The following WWOX variants were observed in gnomAD, a reference collection of about 807,000 sequenced individuals.
WWOX encodes WW domain-containing oxidoreductase.
A neutral mutation model predicts 46.2 loss-of-function variants in WWOX; 69 were observed. That is an observed-to-expected ratio of 1.49 (90% CI 1.23 to 1.82). WWOX has a LOEUF of 1.82. WWOX is among the 40% of genes most tolerant of loss of function. The probability of loss-of-function intolerance (pLI) is 0.00; values close to 1 mark genes in which losing one functional copy is unlikely to be tolerated. For missense variants in WWOX, 919 were observed against 542.6 expected (o/e 1.69, Z -6.89); for synonymous variants, 359 against 202.6 (o/e 1.77, Z -6.56).
chr16:78,330,127 A>G (rs186019395), intron 5 of WWOX, among the ~76,000 whole-genome samples: 190 of 152,276 alleles, frequency 1.2e-3, no homozygotes, highest in African/African-American at 4.0e-3. Flanking sequence ...AAATACCTAA[A>G]TGCCTAAACG....
chr16:78,537,822 C>A (rs571240733), intron 8 of WWOX, among the ~76,000 whole-genome samples: 2 of 151,998 alleles, frequency 1.3e-5, no homozygotes, highest in African/African-American at 2.4e-5. Flanking sequence ...AGGGCCAGAA[C>A]GATCCACCCA....
intron 1 of WWOX, among the ~76,000 whole-genome samples, chr16:78,102,861 G>C (rs1252600369): frequency 1.3e-5 from 2 of 152,186 alleles, no homozygotes; most frequent in African/African-American, 4.8e-5. Context: ...CACCTTGGGA[G>C]GGTCAGCCGC....
At chr16:79,020,147 GT>G (rs2047502203) in intron 8 of WWOX, among the ~76,000 whole-genome samples, 1 of 152,182 alleles carries the variant, frequency 6.6e-6, no homozygotes, top group African/African-American at 2.4e-5. Context: ...GAGAGTGCTT[GT>G]CTTTGAAACA....
intron 8 of WWOX, among the ~76,000 whole-genome samples, chr16:78,927,805 C>G (rs559839786): frequency 2.0e-5 from 3 of 152,262 alleles, no homozygotes; most frequent in South Asian, 4.1e-4. Context: ...GAATAAATGT[C>G]TTTCTTTGGA....
At chr16:78,333,043 C>CTTTCTTTTTTTTTTTTTTT (rs2080797816) in intron 5 of WWOX, among the ~76,000 whole-genome samples, 1 of 57,094 alleles carries the variant, frequency 1.8e-5, no homozygotes, top group Non-Finnish European at 3.8e-5. Flanking sequence ...GAGCATTATA[C>CTTTCTTTTTTTTTTTTTTT]TTTTTTTTTT....
At chr16:78,594,763 ATTTAT>A (rs966662231) in intron 8 of WWOX, among the ~76,000 whole-genome samples, 11 of 151,958 alleles carry the variant, frequency 7.2e-5, no homozygotes, top group African/African-American at 2.4e-4. Context: ...TTAAGTTTTT[ATTTAT>A]TTTATTTAGC....
At chr16:78,694,619 G>A (rs1012574407) in intron 8 of WWOX, among the ~76,000 whole-genome samples, 16 of 152,172 alleles carry the variant, frequency 1.1e-4, no homozygotes, top group African/African-American at 3.9e-4. Context: ...ACATTAACCA[G>A]CAAAGGCATT....
intron 8 of WWOX, among the ~76,000 whole-genome samples, chr16:78,614,108 A>G (rs1051520412): frequency 6.6e-5 from 10 of 152,222 alleles, no homozygotes; most frequent in African/African-American, 2.4e-4. Context: ...GCACCTTGTA[A>G]TTAAGCACAT....
intron 8 of WWOX, among the ~76,000 whole-genome samples, chr16:79,164,733 C>T (rs912524138): frequency 3.3e-5 from 5 of 152,134 alleles, no homozygotes; most frequent in African/African-American, 9.7e-5. Flanking sequence ...TTATTCCACT[C>T]GCATGTGGTG....
intron 8 of WWOX, among the ~76,000 whole-genome samples, chr16:78,465,305 T>C (rs922604699): frequency 6.6e-6 from 1 of 152,248 alleles, no homozygotes; most frequent in Non-Finnish European, 1.5e-5. Context: ...CAGCCTTCTT[T>C]ACCATTTCTG....
rs905746693 is a variant in WWOX, at chr16:79,132,442, T to G, written c.1057-79166T>G. Among the ~76,000 whole-genome samples the G allele has an allele frequency of 3.3e-5, 5 of 152,142 alleles. No homozygotes were observed. The South Asian group carries it at 8.3e-4, about 25-fold the overall frequency. ...AAAGCCACAGCCAGTGTTACAGAAATAGTGTTTCGTGATTAAAATAATGGT... is the reference window on the plus strand; with the variant it reads ...AAAGCCACAGCCAGTGTTACAGAAAGAGTGTTTCGTGATTAAAATAATGGT... On this transcript the variant is annotated intron_variant, in intron 8 of 8. Coordinates refer to ENST00000566780, the MANE Select transcript of WWOX (RefSeq NM_016373.4).
chr16:79,132,552 C>T (rs773125758), intron 8 of WWOX, among the ~76,000 whole-genome samples: 4 of 152,062 alleles, frequency 2.6e-5, no homozygotes, highest in South Asian at 2.1e-4. Flanking sequence ...TTCTTGATCT[C>T]GATAGCAGCA....
At chr16:79,093,105 C>T (rs2048997919) in intron 8 of WWOX, among the ~76,000 whole-genome samples, 1 of 152,124 alleles carries the variant, frequency 6.6e-6, no homozygotes, top group South Asian at 2.1e-4. Flanking sequence ...AACTGTGGTA[C>T]AGCCATTTCA....
intron 8 of WWOX, among the ~76,000 whole-genome samples, chr16:78,755,770 A>T (rs1473357650): frequency 2.0e-5 from 3 of 152,146 alleles, no homozygotes; most frequent in Non-Finnish European, 2.9e-5. Flanking sequence ...GGGCATGGGG[A>T]TAATTACAAA....
chr16:78,304,605 T>C (rs189522695), intron 5 of WWOX, among the ~76,000 whole-genome samples: 90 of 152,374 alleles, frequency 5.9e-4, no homozygotes, highest in African/African-American at 1.5e-3. Flanking sequence ...TAAAGAGATA[T>C]ATACGCGTGC....
intron 5 of WWOX, among the ~76,000 whole-genome samples, chr16:78,255,064 C>G (rs572987270): frequency 6.6e-6 from 1 of 152,340 alleles, no homozygotes; most frequent in South Asian, 2.1e-4. Context: ...CATGGCTTCC[C>G]CTTTCATGTT....
chr16:78,238,895 A>G (rs555256605), intron 5 of WWOX, among the ~76,000 whole-genome samples: 7 of 145,122 alleles, frequency 4.8e-5, no homozygotes, highest in African/African-American at 1.7e-4. Context: ...CTGGGATTAC[A>G]GTACCTGGCC....
At chr16:78,917,314 G>T (rs1307712450) in intron 8 of WWOX, among the ~76,000 whole-genome samples, 1 of 152,174 alleles carries the variant, frequency 6.6e-6, no homozygotes, top group Non-Finnish European at 1.5e-5. Flanking sequence ...AAAGAAGAGA[G>T]GGATGGTTCT....
intron 4 of WWOX, among the ~76,000 whole-genome samples, chr16:78,127,350 G>T (rs142270699): frequency 1.3e-5 from 2 of 152,136 alleles, no homozygotes; most frequent in Non-Finnish European, 2.9e-5. Context: ...TAGCTTCCTG[G>T]TTCCCAGATC....
Sources: gnomAD v4.1 joint callset for allele counts (sites outside exome capture counted in the v4.1 genomes callset) on GRCh38, gnomAD v4.1.1 for gene constraint, MANE v1.5 for transcripts, NCBI Gene and HGNC (gene_info 2026-07-23, HGNC 2026-07-21) for gene names.